The following PCDHGB5 variants were observed in gnomAD, a reference collection of about 807,000 sequenced individuals.
PCDHGB5 encodes protocadherin gamma subfamily B, 5.
Under a neutral mutation model 62.9 loss-of-function variants are expected in PCDHGB5, and 48 were observed. The observed-to-expected ratio is 0.76, with a 90% confidence interval of 0.61 to 0.97. The LOEUF is 0.97. PCDHGB5 is among the 50% of genes least tolerant of loss of function. The probability of loss-of-function intolerance (pLI) is 0.00; values close to 1 mark genes in which losing one functional copy is unlikely to be tolerated. For synonymous variants in PCDHGB5, 474 were observed against 511.2 expected (o/e 0.93, Z 0.98); for missense variants, 1,118 against 1,198.6 (o/e 0.93, Z 0.99).
chr5:141,441,800 G>T, intron 1 of PCDHGB5: 1 of 382,594 alleles, frequency 2.6e-6, no homozygotes, highest in Non-Finnish European at 5.2e-6. Flanking sequence ...ACGCACCGCG[G>T]GTGCTGTACC....
intron 1 of PCDHGB5, among the ~76,000 whole-genome samples, chr5:141,466,670 G>T (rs994949602): frequency 6.6e-6 from 1 of 152,046 alleles, no homozygotes; most frequent in Non-Finnish European, 1.5e-5. Flanking sequence ...TGATTTCACC[G>T]TTCTTCCACT....
intron 2 of PCDHGB5, among the ~76,000 whole-genome samples, chr5:141,497,393 CT>C (rs1035907100): frequency 2.1e-4 from 32 of 152,254 alleles, no homozygotes; most frequent in African/African-American, 7.5e-4. Context: ...CACCTTACCC[CT>C]GCCTCAACTC....
chr5:141,447,849 G>A (rs2154561912), intron 1 of PCDHGB5, among the ~76,000 whole-genome samples: 1 of 152,306 alleles, frequency 6.6e-6, no homozygotes, highest in East Asian at 1.9e-4. Context: ...GCTTTGGGAG[G>A]CCGAGGTGGG....
rs373858401 is a variant in PCDHGB5 at position 141,400,233 on chromosome 5, C to G, written c.2106C>G (p.Ala702=). ...LALISVLFLL[A]VILAVALRLR... ...TGATCTCAGTGCTCTTCCTCCTGGC[C>G]GTGATTCTGGCCGTTGCCTTGCGCC... The change falls in exon 1 of 4, where the codon GCC becomes GCG. Residue 702 remains alanine, a synonymous_variant. Transcript: ENST00000617380. 1.3e-5 allele frequency: 21 copies of G among 1,613,872 alleles called. No individual in the cohort carries two copies. The highest frequency in any genetic ancestry group is 1.8e-5 in the Non-Finnish European group (21 of 1,179,900).
intron 1 of PCDHGB5, among the ~76,000 whole-genome samples, chr5:141,483,432 A>G (rs756227206): frequency 2.0e-5 from 3 of 152,200 alleles, no homozygotes; most frequent in African/African-American, 4.8e-5. Flanking sequence ...GAGGGAGCTG[A>G]CTACAATAAA....
At chr5:141,500,221 TTTA>T (rs1428029040) in intron 2 of PCDHGB5, among the ~76,000 whole-genome samples, 2 of 151,002 alleles carry the variant, frequency 1.3e-5, no homozygotes, top group Non-Finnish European at 2.9e-5. Flanking sequence ...TATTTATTTA[TTTA>T]TTGATACGTA....
At chr5:141,498,919 C>A (rs897611505) in intron 2 of PCDHGB5, among the ~76,000 whole-genome samples, 1 of 122,240 alleles carries the variant, frequency 8.2e-6, no homozygotes. Context: ...GGTGACAGAG[C>A]GAGACTCCAT....
intron 1 of PCDHGB5, chr5:141,419,330 C>G (rs2096361200): frequency 1.9e-6 from 3 of 1,613,958 alleles, no homozygotes; most frequent in Non-Finnish European, 2.5e-6. Context: ...CTCCTACTCT[C>G]TCATTGCCAG....
chr5:141,418,282 A>C, intron 1 of PCDHGB5: 1 of 1,614,030 alleles, frequency 6.2e-7, no homozygotes, highest in Non-Finnish European at 8.5e-7. Flanking sequence ...TAAACTTAGA[A>C]ATCAGTGAAT....
chr5:141,504,077 G>A (rs939470644), intron 2 of PCDHGB5, among the ~76,000 whole-genome samples: 3 of 152,124 alleles, frequency 2.0e-5, no homozygotes, highest in Non-Finnish European at 2.9e-5. Context: ...GCCAGATGGT[G>A]CCAAACAGTT....
At chr5:141,479,823 G>A (rs1208437635) in intron 1 of PCDHGB5, among the ~76,000 whole-genome samples, 1 of 152,172 alleles carries the variant, frequency 6.6e-6, no homozygotes, top group Admixed American at 6.5e-5. Context: ...TACTATCCAA[G>A]GCATGGTATC....
In PCDHGB5 at chr5:141,486,421, G is replaced by C; in HGVS notation, c.2398-8386G>C. 1 of 1,614,152 alleles carries C rather than the reference G, an allele frequency of 6.2e-7. No individual in the cohort carries two copies. Among genetic ancestry groups the C allele is most frequent in the African/African-American group, 1.3e-5 (1 of 75,028 alleles). On this transcript the variant is annotated intron_variant, in intron 1 of 3. Coordinates refer to ENST00000617380, the MANE Select transcript of PCDHGB5 (RefSeq NM_018925.3). This position sits in a 1 kb window ranked among gnomAD's most constrained non-coding sequence, Gnocchi z 5.0. Reference sequence around the variant, plus strand: ...TGACTGCTGGACCCTTGGATCGAGAGGCCAAATCTAGCTATGACATCATGG... The same window carrying C: ...TGACTGCTGGACCCTTGGATCGAGACGCCAAATCTAGCTATGACATCATGG...
intron 1 of PCDHGB5, chr5:141,409,635 AC>A: frequency 6.2e-7 from 1 of 1,613,784 alleles, no homozygotes; most frequent in Non-Finnish European, 8.5e-7. Context: ...AGCGCCTCTG[AC>A]CCGGATTTGG....
At position 141,400,007 on chromosome 5, in the gene PCDHGB5, C is replaced by G. The variant is rs907315450; in HGVS notation, c.1880C>G (p.Ala627Gly). 2 of 1,612,506 alleles carry G rather than the reference C, an allele frequency of 1.2e-6. No homozygotes were observed. Among genetic ancestry groups the G allele is most frequent in the African/African-American group, 1.3e-5 (1 of 74,934 alleles). ...LRTGEVRTAR[A>G]LGDRDAARQR... ...ACAGGAGAGGTGCGCACAGCGCGTGCCTTGGGCGACAGGGACGCGGCCCGC... is the reference window on the plus strand; with the variant it reads ...ACAGGAGAGGTGCGCACAGCGCGTGGCTTGGGCGACAGGGACGCGGCCCGC... The change falls in exon 1 of 4, where the codon GCC (alanine) becomes GGC (glycine). Residue 627 changes from alanine to glycine, a missense_variant. Ala to Gly is a moderately conservative substitution (Grantham distance 60). Around this residue, in one of 2 missense-constraint regions of PCDHGB5, gnomAD observed 1,034 missense variants for 1,029.1 expected, o/e 1.00. Transcript: ENST00000617380.
In PCDHGB5 at chr5:141,400,466, C is replaced by T; in HGVS notation, c.2339C>T (p.Ser780Leu). 6.2e-7 allele frequency: 1 copy of T among 1,614,024 alleles called. No individual in the cohort carries two copies. The highest frequency in any genetic ancestry group is 8.5e-7 in the Non-Finnish European group (1 of 1,179,880). ...GGACAAGACATACTTTGTGGTGATTCATCTGGGGCCTTATTTCCACTTTGT... is the reference window on the plus strand; with the variant it reads ...GGACAAGACATACTTTGTGGTGATTTATCTGGGGCCTTATTTCCACTTTGT... ...SSGQDILCGD[S>L]SGALFPLCNS... Residue 780 changes from serine (S) to leucine (L), a missense_variant, in exon 1 of 4, where the codon TCA becomes TTA. Ser to Leu is a moderately radical substitution (Grantham distance 145). This residue lies in a region of PCDHGB5 where 1,034 missense variants were observed against 1,029.1 expected (regional missense o/e 1.00). Coordinates refer to ENST00000617380, the MANE Select transcript of PCDHGB5 (RefSeq NM_018925.3).
intron 1 of PCDHGB5, among the ~76,000 whole-genome samples, chr5:141,437,364 T>G (rs1026384836): frequency 6.6e-6 from 1 of 152,232 alleles, no homozygotes; most frequent in Non-Finnish European, 1.5e-5. Context: ...AAAATTGGAA[T>G]GTAATCAGTC....
chr5:141,427,975 C>T lies in PCDHGB5; in HGVS notation c.2397+27451C>T, dbSNP rs757718263. ...AATGTGCCGCGGGTGCTGTACCCCGCGCTGGGGCCCGATGGCTCCGCACTC... is the reference window on the plus strand; with the variant it reads ...AATGTGCCGCGGGTGCTGTACCCCGTGCTGGGGCCCGATGGCTCCGCACTC... On this transcript the variant is annotated intron_variant, in intron 1 of 3. Transcript: ENST00000617380. The T allele has an allele frequency of 1.9e-6, 3 of 1,594,600 alleles. No individual in the cohort carries two copies. In the South Asian group the frequency reaches 3.3e-5, roughly 18 times the overall value.
chr5:141,509,303 G>A (rs911736752), intron 3 of PCDHGB5, among the ~76,000 whole-genome samples: 1 of 152,210 alleles, frequency 6.6e-6, no homozygotes, highest in Admixed American at 6.5e-5. Context: ...GGAGGCAGAG[G>A]GAGGCTGGGA....
Position 141,408,343 on chromosome 5 carries a change from G to A in PCDHGB5, c.2397+7819G>A, listed in dbSNP as rs780878986. On this transcript the variant is annotated intron_variant, in intron 1 of 3. Transcript: ENST00000617380. Reference sequence around the variant, plus strand: ...AGGAGCTGGCCAAGGGCTCGGTGGTGGGGAACCTCGCTAAGGATCTAGGGC... The same window carrying A: ...AGGAGCTGGCCAAGGGCTCGGTGGTAGGGAACCTCGCTAAGGATCTAGGGC... The A allele has an allele frequency of 1.9e-6, 3 of 1,613,924 alleles. No individual in the cohort carries two copies. In the South Asian group the frequency reaches 3.3e-5, roughly 18 times the overall value.
Sources: gnomAD v4.1 joint callset for allele counts (sites outside exome capture counted in the v4.1 genomes callset) on GRCh38, gnomAD v4.1.1 for gene constraint, gnomAD v4.1.1 regional missense constraint, Gnocchi (gnomAD v3.1) non-coding constraint, MANE v1.5 for transcripts, NCBI Gene and HGNC (gene_info 2026-07-23, HGNC 2026-07-21) for gene names.